The following ZFPM2 variants were observed in gnomAD, a reference collection of about 807,000 sequenced individuals.
ZFPM2 encodes zinc finger protein, FOG family member 2.
Under a neutral mutation model 98.6 loss-of-function variants are expected in ZFPM2, and 20 were observed. The observed-to-expected ratio is 0.20, with a 90% CI of 0.14 to 0.29. The LOEUF (loss-of-function observed/expected upper bound fraction) is 0.29. Among genes scored for constraint, ZFPM2 ranks in the 10% least tolerant of loss-of-function variants. ZFPM2 has a pLI of 1.00. For missense variants in ZFPM2, 1,310 were observed against 1,388.6 expected (o/e 0.94, Z 0.90); for synonymous variants, 518 against 502.7 (o/e 1.03, Z -0.41).
At chr8:105,742,129 G>C (rs1812229893) in intron 5 of ZFPM2, among the ~76,000 whole-genome samples, 1 of 151,802 alleles carries the variant, frequency 6.6e-6, no homozygotes, top group Non-Finnish European at 1.5e-5. Context: ...GCCAAGGCAA[G>C]ATGGATTGGA....
chr8:105,562,328 A>G (rs1815157315), intron 4 of ZFPM2, among the ~76,000 whole-genome samples: 1 of 25,154 alleles, frequency 4.0e-5, no homozygotes, highest in African/African-American at 1.5e-3. Flanking sequence ...AAATAAATAA[A>G]TAAATAAATA....
At chr8:105,369,837 T>A (rs1810583814) in intron 1 of ZFPM2, among the ~76,000 whole-genome samples, 1 of 151,984 alleles carries the variant, frequency 6.6e-6, no homozygotes, top group African/African-American at 2.4e-5. Context: ...GCAGTGAGAG[T>A]GATTTCAAGA....
intron 1 of ZFPM2, among the ~76,000 whole-genome samples, chr8:105,355,412 T>C (rs1302788740): frequency 1.3e-5 from 2 of 152,186 alleles, no homozygotes; most frequent in African/African-American, 4.8e-5. Flanking sequence ...AATGTGTTCA[T>C]GTTGGGTAAT....
chr8:105,681,947 T>C (rs1810615056), intron 5 of ZFPM2, among the ~76,000 whole-genome samples: 1 of 152,152 alleles, frequency 6.6e-6, no homozygotes, highest in South Asian at 2.1e-4. Context: ...GTCACTGCTC[T>C]ATCTCCATTG....
intron 5 of ZFPM2, among the ~76,000 whole-genome samples, chr8:105,702,290 A>C (rs1218506965): frequency 5.3e-5 from 8 of 152,254 alleles, no homozygotes; most frequent in Non-Finnish European, 1.2e-4. Flanking sequence ...TAGCCACAGA[A>C]TGTAACAGCA....
chr8:105,733,183 C>A (rs1473316061), intron 5 of ZFPM2, among the ~76,000 whole-genome samples: 1 of 151,870 alleles, frequency 6.6e-6, no homozygotes, highest in African/African-American at 2.4e-5. Flanking sequence ...TAGCTATATA[C>A]ACCCAGATAG....
chr8:105,712,976 A>C (rs1298251132), intron 5 of ZFPM2, among the ~76,000 whole-genome samples: 3 of 151,978 alleles, frequency 2.0e-5, no homozygotes, highest in Non-Finnish European at 2.9e-5. Context: ...TGGAATAGTG[A>C]ATAGTGTGGC....
intron 3 of ZFPM2, chr8:105,529,013 C>T (rs1259348341): frequency 6.6e-6 from 1 of 152,152 alleles, no homozygotes; most frequent in African/African-American, 2.4e-5. Context: ...GCTTCCATAA[C>T]AAGCCTACAG....
chr8:105,541,026 G>C (rs1330076888), intron 3 of ZFPM2, among the ~76,000 whole-genome samples: 1 of 152,082 alleles, frequency 6.6e-6, no homozygotes, highest in Non-Finnish European at 1.5e-5. Context: ...GTTGCAGACT[G>C]ACCTGTAAGA....
chr8:105,751,252 T>A (rs1386619810), intron 5 of ZFPM2, among the ~76,000 whole-genome samples: 1 of 152,116 alleles, frequency 6.6e-6, no homozygotes, highest in Non-Finnish European at 1.5e-5. Flanking sequence ...AGAGACTGCA[T>A]GGCCAGGAAA....
At chr8:105,669,108 C>T (rs547104201) in intron 5 of ZFPM2, among the ~76,000 whole-genome samples, 1 of 152,056 alleles carries the variant, frequency 6.6e-6, no homozygotes, top group African/African-American at 2.4e-5. Context: ...TAGTATATAT[C>T]TTATTCTTAC....
At chr8:105,537,382 C>A (rs1814475283) in intron 3 of ZFPM2, among the ~76,000 whole-genome samples, 1 of 152,118 alleles carries the variant, frequency 6.6e-6, no homozygotes. Context: ...TCATTGAAAT[C>A]TTATATCTTT....
At chr8:105,363,464 A>T (rs1810446717) in intron 1 of ZFPM2, among the ~76,000 whole-genome samples, 1 of 152,138 alleles carries the variant, frequency 6.6e-6, no homozygotes, top group African/African-American at 2.4e-5. Flanking sequence ...GAAGAAAACT[A>T]ACATGTATTA....
At chr8:105,623,774 G>A (rs1014682208) in intron 4 of ZFPM2, among the ~76,000 whole-genome samples, 5 of 152,034 alleles carry the variant, frequency 3.3e-5, no homozygotes, top group Admixed American at 3.3e-4. Context: ...TTTAAACAGG[G>A]CATTCACAGT....
chr8:105,430,996 C>G (rs185322451), intron 2 of ZFPM2, among the ~76,000 whole-genome samples: 1 of 151,150 alleles, frequency 6.6e-6, no homozygotes, highest in Non-Finnish European at 1.5e-5. Context: ...CTCTGTCTCA[C>G]GAGTTCAAGC....
At chr8:105,549,594 C>T (rs1814800992) in intron 3 of ZFPM2, among the ~76,000 whole-genome samples, 1 of 140,662 alleles carries the variant, frequency 7.1e-6, no homozygotes, top group Non-Finnish European at 1.5e-5. Context: ...TTCTTTCCTT[C>T]CTCTATCTCT....
intron 1 of ZFPM2, among the ~76,000 whole-genome samples, chr8:105,412,053 A>G (rs868650292): frequency 6.6e-6 from 1 of 152,006 alleles, no homozygotes; most frequent in South Asian, 2.1e-4. Context: ...TAATATTTAC[A>G]TAATTTAAAT....
chr8:105,568,983 C>A lies in ZFPM2; in HGVS notation c.420+7502C>A, dbSNP rs560638946. ...ATCCTCCTGGAAACCCCTATTCCCCCCTCCCCACCTATCTCTCTTCATCTC... is the reference window on the plus strand; with the variant it reads ...ATCCTCCTGGAAACCCCTATTCCCCACTCCCCACCTATCTCTCTTCATCTC... On this transcript the variant is annotated intron_variant, in intron 4 of 7. Transcript: ENST00000407775. Among the ~76,000 whole-genome samples, 3 of 152,102 alleles carry A rather than the reference C, an allele frequency of 2.0e-5. No homozygotes were observed. The South Asian group carries it at 6.3e-4, about 32-fold the overall frequency.
intron 1 of ZFPM2, among the ~76,000 whole-genome samples, chr8:105,402,688 A>C (rs1318133082): frequency 6.6e-6 from 1 of 152,036 alleles, no homozygotes; most frequent in Non-Finnish European, 1.5e-5. Context: ...AGACTCATCA[A>C]AATCAAACTT....
Sources: gnomAD v4.1 joint callset for allele counts (sites outside exome capture counted in the v4.1 genomes callset) on GRCh38, gnomAD v4.1.1 for gene constraint, MANE v1.5 for transcripts, NCBI Gene and HGNC (gene_info 2026-07-23, HGNC 2026-07-21) for gene names.